The following LDLRAD3 variants were observed in gnomAD, a reference collection of about 807,000 sequenced individuals.
The protein encoded by LDLRAD3 is low-density lipoprotein receptor class A domain-containing protein 3.
LDLRAD3 carries 20 observed loss-of-function variants against 29.4 expected under a neutral mutation model. The observed-to-expected ratio is 0.68, with a 90% CI of 0.48 to 0.99. The LOEUF (loss-of-function observed/expected upper bound fraction) is 0.99, where lower values mean the gene tolerates loss of function less well. LDLRAD3 is among the 50% of genes least tolerant of loss of function. LDLRAD3 has a pLI of 0.00. For missense variants in LDLRAD3, 420 were observed against 454.3 expected, an observed-to-expected ratio of 0.92 and a Z score of 0.69; for synonymous variants, 157 against 192.7, an observed-to-expected ratio of 0.81 and a Z score of 1.53.
At chr11:36,172,687 T>C (rs1043512978) in intron 4 of LDLRAD3, among the ~76,000 whole-genome samples, 3 of 152,204 alleles carry the variant, frequency 2.0e-5, no homozygotes, top group Non-Finnish European at 2.9e-5. Context: ...CACTTGATCA[T>C]GGTTGGATTA....
At chr11:35,979,891 C>A (rs1851519616) in intron 1 of LDLRAD3, among the ~76,000 whole-genome samples, 1 of 152,166 alleles carries the variant, frequency 6.6e-6, no homozygotes, top group Admixed American at 6.5e-5. Flanking sequence ...ATATCCTCTT[C>A]CCTTTAATTG....
At chr11:35,977,817 T>C (rs1851494293) in intron 1 of LDLRAD3, among the ~76,000 whole-genome samples, 1 of 152,198 alleles carries the variant, frequency 6.6e-6, no homozygotes, top group Non-Finnish European at 1.5e-5. Context: ...CTTTCAGGCC[T>C]CTTTCATAAA....
At chr11:36,093,063 C>T (rs897008106) in intron 3 of LDLRAD3, among the ~76,000 whole-genome samples, 1 of 152,130 alleles carries the variant, frequency 6.6e-6, no homozygotes, top group Non-Finnish European at 1.5e-5. Flanking sequence ...AACTATGCCC[C>T]TGAGTGTGAA....
intron 2 of LDLRAD3, among the ~76,000 whole-genome samples, chr11:36,073,434 G>A (rs995281628): frequency 4.6e-5 from 7 of 152,206 alleles, no homozygotes; most frequent in Admixed American, 3.3e-4. Context: ...ACCTTCTGTC[G>A]GGCGCTGCTG....
At chr11:36,044,414 G>A (rs1181535238) in intron 2 of LDLRAD3, among the ~76,000 whole-genome samples, 2 of 152,156 alleles carry the variant, frequency 1.3e-5, no homozygotes. Context: ...TAAGCATTCA[G>A]TGAATGCTAG....
At chr11:36,093,313 A>G (rs1401647749) in intron 3 of LDLRAD3, among the ~76,000 whole-genome samples, 1 of 152,236 alleles carries the variant, frequency 6.6e-6, no homozygotes, top group Non-Finnish European at 1.5e-5. Context: ...GAATTTTAAA[A>G]TAATAAAATA....
chr11:35,980,732 T>C (rs1375071893), intron 1 of LDLRAD3, among the ~76,000 whole-genome samples: 3 of 152,238 alleles, frequency 2.0e-5, no homozygotes, highest in Non-Finnish European at 2.9e-5. Flanking sequence ...TAAATAATAA[T>C]TTGTATTGTT....
At chr11:36,013,919 T>G (rs1851988217) in intron 1 of LDLRAD3, among the ~76,000 whole-genome samples, 1 of 152,154 alleles carries the variant, frequency 6.6e-6, no homozygotes, top group African/African-American at 2.4e-5. Context: ...AGGAAGACAT[T>G]GGTGGAGAGC....
intron 1 of LDLRAD3, among the ~76,000 whole-genome samples, chr11:36,007,896 A>G (rs188995240): frequency 2.4e-4 from 37 of 152,218 alleles, no homozygotes; most frequent in African/African-American, 8.4e-4. Flanking sequence ...TTCCATGGCT[A>G]TGTTTTTGTG....
chr11:36,020,311 C>G (rs891587661), intron 1 of LDLRAD3, among the ~76,000 whole-genome samples: 7 of 152,038 alleles, frequency 4.6e-5, no homozygotes, highest in African/African-American at 1.7e-4. Context: ...GGTTCCTATG[C>G]CCGCTCCTAC....
At chr11:36,130,366 T>G (rs1415554118) in intron 4 of LDLRAD3, among the ~76,000 whole-genome samples, 1 of 152,170 alleles carries the variant, frequency 6.6e-6, no homozygotes, top group East Asian at 1.9e-4. Context: ...GAGGCTTGTC[T>G]GGATGTGTCC....
At chr11:36,119,521 A>G (rs1853723389) in intron 4 of LDLRAD3, among the ~76,000 whole-genome samples, 1 of 151,486 alleles carries the variant, frequency 6.6e-6, no homozygotes, top group Admixed American at 6.6e-5. Flanking sequence ...TTTTTTTTGA[A>G]GACAGCTATC....
intron 2 of LDLRAD3, among the ~76,000 whole-genome samples, chr11:36,072,525 C>T (rs962687843): frequency 6.6e-6 from 1 of 152,148 alleles, no homozygotes; most frequent in African/African-American, 2.4e-5. Flanking sequence ...GGGAGAAGGG[C>T]TTTTTCTTGG....
chr11:36,199,046 G>A (rs746980148), intron 4 of LDLRAD3, among the ~76,000 whole-genome samples: 5 of 152,092 alleles, frequency 3.3e-5, no homozygotes, highest in Admixed American at 6.5e-5. Flanking sequence ...GACTACAGGC[G>A]CCTGCCACCT....
intron 2 of LDLRAD3, among the ~76,000 whole-genome samples, chr11:36,073,753 A>G (rs1003153244): frequency 2.6e-5 from 4 of 152,250 alleles, no homozygotes; most frequent in Non-Finnish European, 5.9e-5. Flanking sequence ...AAAAGGGTGC[A>G]AGGGCAGGGC....
intron 1 of LDLRAD3, among the ~76,000 whole-genome samples, chr11:35,987,117 A>G (rs2133162997): frequency 6.6e-6 from 1 of 152,366 alleles, no homozygotes; most frequent in South Asian, 2.1e-4. Flanking sequence ...TAAAGAGAAT[A>G]TTCATGCCTC....
intron 4 of LDLRAD3, among the ~76,000 whole-genome samples, chr11:36,178,279 G>C (rs954081644): frequency 6.6e-6 from 1 of 152,314 alleles, no homozygotes; most frequent in East Asian, 1.9e-4. Context: ...CCCAGTGAGA[G>C]TTTCTTCAAC....
chr11:36,002,449 T>C (rs946649547), intron 1 of LDLRAD3, among the ~76,000 whole-genome samples: 12 of 152,178 alleles, frequency 7.9e-5, no homozygotes, highest in African/African-American at 2.4e-4. Context: ...TCAGAGCTGG[T>C]GTTGCATGAT....
At chr11:36,021,249 C>T (rs969328110) in intron 1 of LDLRAD3, among the ~76,000 whole-genome samples, 1 of 152,040 alleles carries the variant, frequency 6.6e-6, no homozygotes, top group Non-Finnish European at 1.5e-5. Context: ...CCGTGAAGGT[C>T]CAACTAATAG....
Sources: allele counts gnomAD v4.1 joint callset (sites outside exome capture counted in the v4.1 genomes callset), GRCh38; gene constraint gnomAD v4.1.1; transcripts MANE v1.5; gene names NCBI Gene and HGNC (gene_info 2026-07-23, HGNC 2026-07-21).